The following GPC5 variants were observed in gnomAD, a reference collection of about 807,000 sequenced individuals.
GPC5 encodes the protein glypican 5.
Under a neutral mutation model 53.9 loss-of-function variants are expected in GPC5, and 47 were observed. That is an observed-to-expected ratio of 0.87 (90% CI 0.69 to 1.11). The LOEUF (loss-of-function observed/expected upper bound fraction) is 1.11, where lower values mean the gene tolerates loss of function less well. Among genes scored for constraint, GPC5 ranks in the 50% most tolerant of loss-of-function variants. The probability of loss-of-function intolerance (pLI) is 0.00; values close to 1 mark genes in which losing one functional copy is unlikely to be tolerated. For synonymous variants in GPC5, 286 were observed against 263.3 expected (o/e 1.09, Z -0.84); for missense variants, 748 against 713.1 (o/e 1.05, Z -0.56).
chr13:91,484,055 T>G (rs1335773278), intron 2 of GPC5, among the ~76,000 whole-genome samples: 3 of 152,220 alleles, frequency 2.0e-5, no homozygotes. Flanking sequence ...TAATTATCTA[T>G]TATAGTTGAG....
intron 1 of GPC5, among the ~76,000 whole-genome samples, chr13:91,438,554 G>C (rs1184806882): frequency 6.6e-6 from 1 of 152,142 alleles, no homozygotes; most frequent in Non-Finnish European, 1.5e-5. Flanking sequence ...GGACTTGTGA[G>C]GTGTCAGTCT....
intron 7 of GPC5, among the ~76,000 whole-genome samples, chr13:92,201,693 G>T (rs1201631266): frequency 6.6e-6 from 1 of 152,102 alleles, no homozygotes; most frequent in Non-Finnish European, 1.5e-5. Context: ...AACTACAGGT[G>T]GGGGAGATTG....
intron 7 of GPC5, among the ~76,000 whole-genome samples, chr13:92,694,599 G>A (rs1887505817): frequency 6.6e-6 from 1 of 152,188 alleles, no homozygotes; most frequent in Non-Finnish European, 1.5e-5. Flanking sequence ...AATTTGCAAT[G>A]AGAATATTTA....
At chr13:92,578,312 G>T (rs1883252472) in intron 7 of GPC5, among the ~76,000 whole-genome samples, 2 of 152,136 alleles carry the variant, frequency 1.3e-5, no homozygotes, top group Admixed American at 1.3e-4. Context: ...AACGAAGTTT[G>T]AGCATTACTA....
intron 7 of GPC5, among the ~76,000 whole-genome samples, chr13:92,344,150 T>A (rs1420213012): frequency 6.6e-6 from 1 of 152,076 alleles, no homozygotes; most frequent in Non-Finnish European, 1.5e-5. Flanking sequence ...CAGTTCCACA[T>A]GACTGGGAAA....
chr13:91,671,738 A>G (rs1461276341), intron 2 of GPC5, among the ~76,000 whole-genome samples: 1 of 142,672 alleles, frequency 7.0e-6, no homozygotes, highest in Non-Finnish European at 1.5e-5. Flanking sequence ...TAAATTTTAT[A>G]TGAAATCAAA....
rs77998695 is a variant in GPC5 at position 92,848,198 on chromosome 13, T to G, written c.1562-18084T>G. ...GTGTAAAAATATTAAAAAGTATTTT[T>G]TACATTTATGATTTTATTGAATTTT... On this transcript the variant is annotated intron_variant, in intron 7 of 7. Coordinates refer to ENST00000377067, the MANE Select transcript of GPC5 (RefSeq NM_004466.6). Among the ~76,000 whole-genome samples, 450 of 152,322 alleles carry G rather than the reference T, an allele frequency of 3.0e-3. 3 individuals are homozygous for G. Among genetic ancestry groups the G allele is most frequent in the African/African-American group, 1.0e-2 (415 of 41,580 alleles).
chr13:92,008,816 T>C (rs1204810746), intron 6 of GPC5, among the ~76,000 whole-genome samples: 2 of 152,158 alleles, frequency 1.3e-5, no homozygotes, highest in African/African-American at 4.8e-5. Flanking sequence ...TTGTAATGTT[T>C]AATATTGTCT....
At chr13:91,715,334 T>C (rs2036313604) in intron 3 of GPC5, among the ~76,000 whole-genome samples, 1 of 151,564 alleles carries the variant, frequency 6.6e-6, no homozygotes, top group South Asian at 2.1e-4. Flanking sequence ...TGAGTATGTA[T>C]ATGTGTGGAT....
intron 6 of GPC5, among the ~76,000 whole-genome samples, chr13:92,011,337 A>G (rs2040659898): frequency 6.6e-6 from 1 of 152,210 alleles, no homozygotes; most frequent in Non-Finnish European, 1.5e-5. Context: ...AAATTTCAAA[A>G]CAAAACATGC....
chr13:91,943,903 T>C (rs2039950933), intron 6 of GPC5, among the ~76,000 whole-genome samples: 1 of 152,122 alleles, frequency 6.6e-6, no homozygotes, highest in Admixed American at 6.5e-5. Flanking sequence ...GGATTTCTGG[T>C]ATTCTATGGC....
chr13:92,297,744 G>A (rs992479387), intron 7 of GPC5, among the ~76,000 whole-genome samples: 1 of 152,116 alleles, frequency 6.6e-6, no homozygotes, highest in African/African-American at 2.4e-5. Flanking sequence ...GGCCAGATAA[G>A]AGAATAAAAG....
At chr13:92,504,163 T>C (rs1880283623) in intron 7 of GPC5, among the ~76,000 whole-genome samples, 1 of 151,948 alleles carries the variant, frequency 6.6e-6, no homozygotes, top group Non-Finnish European at 1.5e-5. Context: ...TAATAAGATA[T>C]CGTAGCAGGA....
intron 7 of GPC5, among the ~76,000 whole-genome samples, chr13:92,578,251 C>G (rs185181824): frequency 3.9e-4 from 60 of 152,254 alleles, no homozygotes; most frequent in African/African-American, 1.3e-3. Context: ...CCAGATAGCA[C>G]TAAAAGTATG....
chr13:92,282,956 T>C (rs1019454677), intron 7 of GPC5, among the ~76,000 whole-genome samples: 1 of 152,052 alleles, frequency 6.6e-6, no homozygotes, highest in African/African-American at 2.4e-5. Flanking sequence ...GCTAATTGGA[T>C]AAAAGAGTCA....
intron 3 of GPC5, among the ~76,000 whole-genome samples, chr13:91,718,645 C>A (rs915500938): frequency 1.3e-5 from 2 of 152,262 alleles, no homozygotes; most frequent in Admixed American, 6.5e-5. Flanking sequence ...GTGATTGAAT[C>A]AAGCTTTCCC....
At chr13:92,233,993 AT>A (rs1275225968) in intron 7 of GPC5, among the ~76,000 whole-genome samples, 1 of 152,038 alleles carries the variant, frequency 6.6e-6, no homozygotes. Flanking sequence ...TGAACTCGTC[AT>A]TTTTTATGGC....
intron 7 of GPC5, among the ~76,000 whole-genome samples, chr13:92,703,927 T>C (rs1887853982): frequency 6.6e-6 from 1 of 151,998 alleles, no homozygotes; most frequent in African/African-American, 2.4e-5. Context: ...GATCCTAGTT[T>C]ATTCTTTACC....
chr13:92,603,974 C>T (rs1469538858), intron 7 of GPC5, among the ~76,000 whole-genome samples: 1 of 152,118 alleles, frequency 6.6e-6, no homozygotes, highest in East Asian at 1.9e-4. Flanking sequence ...CATGAATATA[C>T]TTAACATTAA....
Sources: allele counts gnomAD v4.1 joint callset (sites outside exome capture counted in the v4.1 genomes callset), GRCh38; gene constraint gnomAD v4.1.1; transcripts MANE v1.5; gene names NCBI Gene and HGNC (gene_info 2026-07-23, HGNC 2026-07-21).